ACAP2: variants seen among roughly 807,000 people sequenced by gnomAD.
The protein encoded by ACAP2 is ArfGAP with coiled-coil, ankyrin repeat and PH domains 2.
ACAP2 carries 39 observed loss-of-function variants against 115.8 expected under a neutral mutation model. That is an observed-to-expected ratio of 0.34 (90% confidence interval 0.26 to 0.44). The LOEUF is 0.44. Ranked by LOEUF, ACAP2 falls within the 20% of genes least tolerant of loss-of-function variation. ACAP2 has a pLI of 1.00. For synonymous variants in ACAP2, 289 were observed against 315.8 expected (o/e 0.92, Z 0.90); for missense variants, 662 against 927.6 (o/e 0.71, Z 3.72).
chr3:195,328,196 G>A (rs919012422), intron 8 of ACAP2, among the ~76,000 whole-genome samples: 1 of 152,016 alleles, frequency 6.6e-6, no homozygotes, highest in African/African-American at 2.4e-5. Flanking sequence ...ATTAACACAT[G>A]TTCGATAAGT....
At chr3:195,288,146 T>C (rs1726971499) in intron 21 of ACAP2, among the ~76,000 whole-genome samples, 1 of 151,950 alleles carries the variant, frequency 6.6e-6, no homozygotes, top group Admixed American at 6.6e-5. Context: ...TGGTTTTCTG[T>C]TTCTGTATCA....
At chr3:195,413,803 C>T (rs1173157688) in intron 1 of ACAP2, among the ~76,000 whole-genome samples, 2 of 151,632 alleles carry the variant, frequency 1.3e-5, no homozygotes, top group Non-Finnish European at 2.9e-5. Context: ...TGAGCAGACA[C>T]CTTAGTAAAG....
In ACAP2 at chr3:195,286,959, A is replaced by G. The variant is rs1726883102; in HGVS notation, c.2175-1102T>C. On this transcript the variant is annotated intron_variant, in intron 21 of 22. Transcript: ENST00000326793. ...ATCTGTAATGATTTAAGAGTTCTAC[A>G]TTTTCCTGCAATAGCCTCCATAATA... Among the ~76,000 whole-genome samples, 3 of 152,130 alleles carry G rather than the reference A, an allele frequency of 2.0e-5. No homozygotes were observed. In the South Asian group the frequency reaches 6.2e-4, roughly 32 times the overall value.
intron 9 of ACAP2, 111 bp from the exon 10 acceptor site, chr3:195,320,924 G>A: frequency 5.0e-6 from 3 of 596,772 alleles, no homozygotes; most frequent in South Asian, 2.5e-5. Flanking sequence ...TATTAAGACA[G>A]TTACAACAAT....
intron 10 of ACAP2, among the ~76,000 whole-genome samples, chr3:195,310,050 CATTA>C (rs545560864): frequency 1.1e-3 from 171 of 152,278 alleles, no homozygotes; most frequent in African/African-American, 4.0e-3. Flanking sequence ...TCTATTGTAA[CATTA>C]GTTATTAATC....
chr3:195,386,079 T>C (rs1056503195), intron 2 of ACAP2, among the ~76,000 whole-genome samples: 2 of 152,208 alleles, frequency 1.3e-5, no homozygotes, highest in Non-Finnish European at 1.5e-5. Context: ...AAAGGACTGA[T>C]ACATGCTACA....
chr3:195,301,562 A>T lies in ACAP2; in HGVS notation c.1395+13T>A, dbSNP rs369928698. On this transcript the variant is annotated intron_variant, in intron 15 of 22. Transcript: ENST00000326793. ...GAAAATATGAAATATTTTAAAGCAA[A>T]AATTTTTTTTACCTTTAAAAGTTCT... is the stretch of plus-strand genomic sequence containing the variant. 2.3e-4 allele frequency: 363 copies of T among 1,587,230 alleles called. 1 individual carries two copies. Among genetic ancestry groups the T allele is most frequent in the Middle Eastern group, 1.7e-3 (10 of 5,894 alleles).
chr3:195,408,277 A>G (rs1712958958), intron 1 of ACAP2, among the ~76,000 whole-genome samples: 1 of 152,168 alleles, frequency 6.6e-6, no homozygotes, highest in Non-Finnish European at 1.5e-5. Context: ...AGTCTGGGCA[A>G]CACGGCGAAA....
chr3:195,315,554 T>C (rs1250539366), intron 10 of ACAP2, among the ~76,000 whole-genome samples: 1 of 152,222 alleles, frequency 6.6e-6, no homozygotes, highest in African/African-American at 2.4e-5. Context: ...TGCCATAGGA[T>C]ACTTGAGGAA....
intron 1 of ACAP2, 47 bp from the exon 2 acceptor site, chr3:195,392,194 A>G (rs1458421865): frequency 6.9e-6 from 10 of 1,452,158 alleles, no homozygotes; most frequent in Non-Finnish European, 7.6e-6. Flanking sequence ...GTTTAAATGT[A>G]CACTTTACTC....
chr3:195,309,364 G>A (rs890461863), intron 10 of ACAP2, among the ~76,000 whole-genome samples: 1 of 152,076 alleles, frequency 6.6e-6, no homozygotes, highest in Admixed American at 6.5e-5. Flanking sequence ...GACCAACATG[G>A]TGAAACCTAG....
chr3:195,413,585 C>A (rs527457277), intron 1 of ACAP2, among the ~76,000 whole-genome samples: 1 of 151,886 alleles, frequency 6.6e-6, no homozygotes, highest in Non-Finnish European at 1.5e-5. Context: ...CCTGTCTCTA[C>A]GAAAAATACA....
intron 10 of ACAP2, among the ~76,000 whole-genome samples, chr3:195,314,336 G>A (rs910199394): frequency 1.3e-5 from 2 of 151,248 alleles, no homozygotes; most frequent in African/African-American, 2.4e-5. Context: ...GTAAAATCTC[G>A]GCTCACTGCA....
At chr3:195,297,023 T>C (rs893213535) in intron 16 of ACAP2, among the ~76,000 whole-genome samples, 167 bp downstream of exon 16, 1 of 152,132 alleles carries the variant, frequency 6.6e-6, no homozygotes, top group Non-Finnish European at 1.5e-5. Flanking sequence ...TTCAATACAA[T>C]ATAATTATCT....
intron 1 of ACAP2, among the ~76,000 whole-genome samples, chr3:195,425,923 T>C (rs1246532534): frequency 1.3e-5 from 2 of 152,082 alleles, no homozygotes; most frequent in African/African-American, 4.8e-5. Flanking sequence ...TCCTGCGTGG[T>C]CTCTTTGCAT....
intron 2 of ACAP2, among the ~76,000 whole-genome samples, chr3:195,384,506 C>T (rs550389577): frequency 2.0e-4 from 30 of 152,104 alleles, no homozygotes; most frequent in African/African-American, 7.2e-4. Flanking sequence ...TTGGGCAGAT[C>T]ACTTGAGGTC....
chr3:195,436,128 TATA>T (rs1715523803), intron 1 of ACAP2, among the ~76,000 whole-genome samples: 1 of 132,314 alleles, frequency 7.6e-6, no homozygotes, highest in African/African-American at 2.8e-5. Flanking sequence ...TGTATATATA[TATA>T]TATTTTTTTT....
chr3:195,340,117 T>C (rs1331977707), intron 6 of ACAP2, among the ~76,000 whole-genome samples: 1 of 151,284 alleles, frequency 6.6e-6, no homozygotes, highest in African/African-American at 2.4e-5. Context: ...ACCAATTTCA[T>C]GAGAAGACTT....
chr3:195,327,075 T>A, intron 8 of ACAP2, 116 bp from the exon 9 acceptor site: 1 of 1,014,222 alleles, frequency 9.9e-7, no homozygotes, highest in Non-Finnish European at 1.4e-6. Context: ...TAAGCTGATT[T>A]AATAAAGTTT....
Sources: allele counts gnomAD v4.1 joint callset (sites outside exome capture counted in the v4.1 genomes callset), GRCh38; gene constraint gnomAD v4.1.1; transcripts MANE v1.5; gene names NCBI Gene and HGNC (gene_info 2026-07-23, HGNC 2026-07-21).